Variants in MYO16 observed in about 807,000 individuals in gnomAD.
The protein encoded by MYO16 is unconventional myosin-XVI.
Under a neutral mutation model 205.3 loss-of-function variants are expected in MYO16, and 94 were observed. The observed-to-expected ratio is 0.46, with a 90% CI of 0.39 to 0.54. MYO16 has a LOEUF of 0.54. MYO16 is among the 20% of genes least tolerant of loss of function. MYO16 has a pLI of 0.00. For synonymous variants in MYO16, 988 were observed against 954.0 expected (o/e 1.04, Z -0.66); for missense variants, 2,315 against 2,387.5 (o/e 0.97, Z 0.63).
intron 2 of MYO16, among the ~76,000 whole-genome samples, chr13:108,704,092 C>T (rs1442491328): frequency 6.6e-6 from 1 of 152,136 alleles, no homozygotes; most frequent in African/African-American, 2.4e-5. Flanking sequence ...ACTGCCAACA[C>T]CTTGATCTTG....
intron 1 of MYO16, among the ~76,000 whole-genome samples, chr13:108,598,126 T>G (rs1180971502): frequency 2.0e-5 from 3 of 152,198 alleles, no homozygotes; most frequent in Non-Finnish European, 2.9e-5. Flanking sequence ...CAGAGATCAA[T>G]ATCAGCGTTA....
chr13:108,790,307 C>G (rs866933980), intron 5 of MYO16, among the ~76,000 whole-genome samples: 5 of 152,072 alleles, frequency 3.3e-5, no homozygotes, highest in African/African-American at 4.8e-5. Context: ...CGGGAGTTGA[C>G]GTAATTTCAG....
intron 27 of MYO16, among the ~76,000 whole-genome samples, chr13:109,073,932 G>A (rs1888005816): frequency 6.6e-6 from 1 of 152,138 alleles, no homozygotes; most frequent in Non-Finnish European, 1.5e-5. Flanking sequence ...GTTCACCTGA[G>A]TCCATTTTCT....
chr13:108,834,429 C>T (rs1215390983), intron 9 of MYO16, among the ~76,000 whole-genome samples: 1 of 152,076 alleles, frequency 6.6e-6, no homozygotes, highest in African/African-American at 2.4e-5. Flanking sequence ...ATATACATCT[C>T]AAAGGGGCAG....
At chr13:108,934,471 G>A (rs1188565652) in intron 16 of MYO16, among the ~76,000 whole-genome samples, 2 of 152,028 alleles carry the variant, frequency 1.3e-5, no homozygotes, top group Non-Finnish European at 2.9e-5. Context: ...AATTGTTTAA[G>A]TTCCTTATAG....
chr13:109,196,566 CTGTCT>C (rs1292604441), intron 34 of MYO16, among the ~76,000 whole-genome samples: 9 of 152,126 alleles, frequency 5.9e-5, no homozygotes, highest in African/African-American at 1.9e-4. Flanking sequence ...TTACATAATC[CTGTCT>C]TAAGAGCAGA....
chr13:108,809,379 T>G (rs974964788), intron 7 of MYO16, among the ~76,000 whole-genome samples: 2 of 152,172 alleles, frequency 1.3e-5, no homozygotes, highest in African/African-American at 4.8e-5. Flanking sequence ...TTCCTGAGAC[T>G]GGGTAATTTA....
At chr13:108,894,776 C>G (rs1880333152) in intron 14 of MYO16, among the ~76,000 whole-genome samples, 2 of 152,192 alleles carry the variant, frequency 1.3e-5, no homozygotes, top group Admixed American at 1.3e-4. Flanking sequence ...AACCCGATCA[C>G]CACAGACATG....
intron 27 of MYO16, among the ~76,000 whole-genome samples, chr13:109,078,462 C>A (rs1487857693): frequency 6.6e-6 from 1 of 152,010 alleles, no homozygotes; most frequent in African/African-American, 2.4e-5. Flanking sequence ...ATGTCTTTAA[C>A]ATATTTAGTT....
chr13:108,826,374 A>G (rs1293476495), intron 9 of MYO16, among the ~76,000 whole-genome samples: 2 of 152,164 alleles, frequency 1.3e-5, no homozygotes, highest in Non-Finnish European at 2.9e-5. Flanking sequence ...TTCACATGCA[A>G]AATAATGAGT....
chr13:108,824,907 A>G (rs1876171590), intron 9 of MYO16, among the ~76,000 whole-genome samples: 1 of 152,108 alleles, frequency 6.6e-6, no homozygotes, highest in African/African-American at 2.4e-5. Context: ...AAGAGATTGA[A>G]TTAGTCATCA....
At chr13:108,784,816 C>A (rs1396071427) in intron 4 of MYO16, among the ~76,000 whole-genome samples, 1 of 152,136 alleles carries the variant, frequency 6.6e-6, no homozygotes, top group Non-Finnish European at 1.5e-5. Flanking sequence ...TATGTTCACG[C>A]CATGCCCTAA....
chr13:109,102,664 T>C (rs997134502), intron 28 of MYO16, among the ~76,000 whole-genome samples: 8 of 152,122 alleles, frequency 5.3e-5, no homozygotes, highest in Non-Finnish European at 1.2e-4. Flanking sequence ...GTGGTCCCTC[T>C]GATAGACCAC....
At chr13:108,553,259 G>A in the MYO16 span, among the ~76,000 whole-genome samples, 1 of 151,862 alleles carries the variant, frequency 6.6e-6, no homozygotes, top group Admixed American at 6.6e-5. Flanking sequence ...CCAAAGTGCT[G>A]GGATTACAGG....
intron 6 of MYO16, among the ~76,000 whole-genome samples, chr13:108,796,809 C>A (rs7988296): frequency 1.5e-5 from 2 of 131,064 alleles, no homozygotes; most frequent in Non-Finnish European, 3.2e-5. Flanking sequence ...GGAGATATAC[C>A]TAATGTAAAA....
intron 18 of MYO16, 112 bp from the exon 19 acceptor site, chr13:108,962,312 C>T (rs45440091): frequency 4.4e-4 from 329 of 746,296 alleles, no homozygotes; most frequent in Non-Finnish European, 6.5e-4. Context: ...TTAAAATACT[C>T]ATGTTTTGTA....
chr13:108,806,764 A>C lies in MYO16; in HGVS notation c.827A>C (p.Gln276Pro). The C allele has an allele frequency of 6.3e-7, 1 of 1,587,668 alleles. No homozygotes were observed. Among genetic ancestry groups the C allele is most frequent in the Non-Finnish European group, 8.6e-7 (1 of 1,164,140 alleles). ...GGAGACCTCAACATAGTAGATGATC[A>C]GTACTGGACTCCCCTCCACTTGGCA... ...HGGDLNIVDD[Q>P]YWTPLHLAAK... is the part of the protein sequence containing the mutation. Residue 276 changes from glutamine (Q) to proline (P), a missense_variant, in exon 7 of 35, where the codon CAG becomes CCG. This residue lies in a region of MYO16 where 1,213 missense variants were observed against 1,274.4 expected (regional missense o/e 0.95). Coordinates refer to ENST00000457511, the MANE Select transcript of MYO16 (RefSeq NM_001198950.3).
At chr13:109,112,477 C>T (rs1043782960) in intron 28 of MYO16, among the ~76,000 whole-genome samples, 2 of 151,914 alleles carry the variant, frequency 1.3e-5, no homozygotes, top group Non-Finnish European at 1.5e-5. Flanking sequence ...TTTTGATGGC[C>T]GGGCATGGTG....
the MYO16 span, among the ~76,000 whole-genome samples, chr13:108,583,913 A>G: frequency 0.014 from 2,200 of 152,286 alleles, 29 homozygotes; most frequent in Middle Eastern, 0.048. Context: ...AAAGAATCCA[A>G]AGCAAGGAGT....
Sources: allele counts gnomAD v4.1 joint callset (sites outside exome capture counted in the v4.1 genomes callset), GRCh38; gene constraint gnomAD v4.1.1; regional missense constraint gnomAD v4.1.1; transcripts MANE v1.5; gene names NCBI Gene and HGNC (gene_info 2026-07-23, HGNC 2026-07-21).